IGSF21: variants seen among roughly 807,000 people sequenced by gnomAD.
The protein encoded by IGSF21 is immunoglobulin superfamily member 21.
Under a neutral mutation model 46.8 loss-of-function variants are expected in IGSF21, and 28 were observed. The ratio of observed to expected loss-of-function variants is 0.60; its 90% CI spans 0.44 to 0.82. The LOEUF (loss-of-function observed/expected upper bound fraction) is 0.82, where lower values mean the gene tolerates loss of function less well. Among genes scored for constraint, IGSF21 ranks in the 40% least tolerant of loss-of-function variants. The pLI is 0.00. For missense variants in IGSF21, 624 were observed against 665.5 expected, an observed-to-expected ratio of 0.94 and a Z score of 0.69; for synonymous variants, 284 against 273.6, an observed-to-expected ratio of 1.04 and a Z score of -0.38.
At chr1:18,279,718 C>T (rs921530691) in intron 2 of IGSF21, among the ~76,000 whole-genome samples, 4 of 152,182 alleles carry the variant, frequency 2.6e-5, no homozygotes, top group East Asian at 1.9e-4. Flanking sequence ...CAGGAACAGC[C>T]GGCAGATGGA....
In IGSF21 at chr1:18,107,941, G is replaced by T; in HGVS notation, c.-188G>T. On this transcript the variant is annotated 5_prime_UTR_variant, in exon 1 of 10. Transcript: ENST00000251296. ...CGCTGCGCCTCGCAGAGCCGGAGCC[G>T]AGTCGAGCCGGGCGCCCGGGCTGCC... 5.2e-6 allele frequency: 1 copy of T among 190,964 alleles called. No homozygotes were observed. The highest frequency in any genetic ancestry group is 1.8e-4 in the South Asian group (1 of 5,440). 11.8% of individuals were successfully genotyped at this position (190,964 alleles called of 1,614,324 possible).
In IGSF21 at chr1:18,244,480, A is replaced by G. The variant is rs1197474100; in HGVS notation, c.183+16470A>G. On this transcript the variant is annotated intron_variant, in intron 2 of 9. Coordinates refer to ENST00000251296, the MANE Select transcript of IGSF21 (RefSeq NM_032880.5). The stretch of plus-strand genomic sequence containing the variant: ...CTGTGTCTGAAAGCTCGTGAAGGAA[A>G]GGCAACCCAGTCACCCAGGAGTGGA... Among the ~76,000 whole-genome samples the G allele has an allele frequency of 5.9e-5, 9 of 152,226 alleles. No homozygotes were observed. In the South Asian group the frequency reaches 6.2e-4, roughly 11 times the overall value.
At chr1:18,279,518 T>C (rs2085138085) in intron 2 of IGSF21, among the ~76,000 whole-genome samples, 1 of 152,102 alleles carries the variant, frequency 6.6e-6, no homozygotes, top group African/African-American at 2.4e-5. Context: ...GAAGAGAACT[T>C]AGCAATCAGC....
intron 1 of IGSF21, among the ~76,000 whole-genome samples, chr1:18,149,217 C>A (rs919405019): frequency 4.6e-5 from 7 of 152,036 alleles, no homozygotes; most frequent in Non-Finnish European, 1.0e-4. Context: ...CATGGGCCAG[C>A]AGCCTGCAGA....
At chr1:18,352,592 G>A (rs114210465) in intron 4 of IGSF21, among the ~76,000 whole-genome samples, 507 of 152,246 alleles carry the variant, frequency 3.3e-3, no homozygotes, top group African/African-American at 0.012. Context: ...GTCTGTGGCC[G>A]CCCACCACCC....
At chr1:18,359,371 AAAGAAAGAAAGAAAGGAAGGAAGGAAGG>A (rs1193467896) in intron 4 of IGSF21, among the ~76,000 whole-genome samples, 33 of 100,666 alleles carry the variant, frequency 3.3e-4, no homozygotes, top group East Asian at 2.3e-3. Flanking sequence ...AGAAAGAAAG[AAAGAAAGAAAGAAAGGAAGGAAGGAAGG>A]AAGGAAGGAA....
intron 3 of IGSF21, among the ~76,000 whole-genome samples, chr1:18,331,376 G>A (rs2085711546): frequency 6.6e-6 from 1 of 151,998 alleles, no homozygotes; most frequent in Admixed American, 6.6e-5. Context: ...TTCCGTTCTT[G>A]AGTTACTTCC....
intron 1 of IGSF21, among the ~76,000 whole-genome samples, chr1:18,175,791 G>A (rs1318075326): frequency 6.6e-6 from 1 of 152,226 alleles, no homozygotes; most frequent in Non-Finnish European, 1.5e-5. Flanking sequence ...GCCTCCAAAA[G>A]CCCAGAGCAA....
chr1:18,142,066 G>T (rs561266715), intron 1 of IGSF21, among the ~76,000 whole-genome samples: 1 of 152,004 alleles, frequency 6.6e-6, no homozygotes, highest in Non-Finnish European at 1.5e-5. Flanking sequence ...TGATACTGTC[G>T]CAAAATAATT....
At chr1:18,373,598 C>T (rs2086250582) in intron 6 of IGSF21, among the ~76,000 whole-genome samples, 1 of 152,150 alleles carries the variant, frequency 6.6e-6, no homozygotes, top group Admixed American at 6.5e-5. Context: ...CCTCTTCTGC[C>T]CACCCTCTGT....
intron 1 of IGSF21, among the ~76,000 whole-genome samples, chr1:18,200,302 GC>G (rs1011066340): frequency 6.6e-6 from 1 of 152,186 alleles, no homozygotes; most frequent in Non-Finnish European, 1.5e-5. Context: ...GGTAGACAGC[GC>G]CCCCCTTTGC....
chr1:18,252,044 C>CTTTTTT (rs1557608067), intron 2 of IGSF21, among the ~76,000 whole-genome samples: 1 of 98,982 alleles, frequency 1.0e-5, no homozygotes, highest in Admixed American at 1.3e-4. Context: ...CTGACCAAGG[C>CTTTTTT]GTTTTTTTTT....
intron 1 of IGSF21, among the ~76,000 whole-genome samples, chr1:18,121,621 G>A (rs945652961): frequency 6.6e-5 from 10 of 152,156 alleles, no homozygotes; most frequent in Non-Finnish European, 8.8e-5. Context: ...TGCCCTCGCC[G>A]ACATGCCATC....
chr1:18,305,939 C>A (rs193236444), intron 3 of IGSF21, among the ~76,000 whole-genome samples: 57 of 152,288 alleles, frequency 3.7e-4, no homozygotes, highest in Non-Finnish European at 4.6e-4. Context: ...CAGGGGCCAG[C>A]CTTCCTCATG....
chr1:18,180,375 G>A (rs1180940957), intron 1 of IGSF21, among the ~76,000 whole-genome samples: 2 of 152,132 alleles, frequency 1.3e-5, no homozygotes, highest in Non-Finnish European at 2.9e-5. Context: ...TGTGCCTAGC[G>A]CTTTGGGTTG....
chr1:18,108,319 G>C, intron 1 of IGSF21, 121 bp downstream of exon 1: 4 of 1,068,166 alleles, frequency 3.7e-6, no homozygotes, highest in Non-Finnish European at 4.8e-6. Flanking sequence ...GGTCCTGCCC[G>C]GGGTCTGTGG....
chr1:18,162,431 A>T (rs2086635652), intron 1 of IGSF21, among the ~76,000 whole-genome samples: 1 of 152,144 alleles, frequency 6.6e-6, no homozygotes, highest in Non-Finnish European at 1.5e-5. Context: ...TTGAATTTTG[A>T]TGCAGTGGGA....
rs115044620 is a variant in IGSF21, at chr1:18,192,265, G to A, written c.71-35633G>A. 3.0e-3 allele frequency among the ~76,000 whole-genome samples: 450 copies of A among 152,256 alleles called. 3 individuals carry two copies. Among genetic ancestry groups the A allele is most frequent in the African/African-American group, 0.011 (443 of 41,554 alleles). On this transcript the variant is annotated intron_variant, in intron 1 of 9. Transcript: ENST00000251296. ...GATCAGTCTTGTCTAACACCTTCTT[G>A]CCTGTGGTCAGCAGACTGGGGCATG...
chr1:18,377,367 G>A (rs546388487), intron 8 of IGSF21, 26 bp from the exon 9 acceptor site: 8 of 1,609,734 alleles, frequency 5.0e-6, no homozygotes, highest in Non-Finnish European at 6.8e-6. Context: ...CCACCCTTTG[G>A]TTCTCTTTCT....
Sources: allele counts gnomAD v4.1 joint callset (sites outside exome capture counted in the v4.1 genomes callset), GRCh38; gene constraint gnomAD v4.1.1; transcripts MANE v1.5; gene names NCBI Gene and HGNC (gene_info 2026-07-23, HGNC 2026-07-21).